The following CRB2 variants were observed in gnomAD, a reference collection of about 807,000 sequenced individuals.
CRB2 encodes protein crumbs homolog 2.
CRB2 carries 85 observed loss-of-function variants against 110.9 expected under a neutral mutation model. The observed-to-expected ratio is 0.77, with a 90% CI of 0.64 to 0.92. The LOEUF (loss-of-function observed/expected upper bound fraction) is 0.92, where lower values mean the gene tolerates loss of function less well. Among genes scored for constraint, CRB2 ranks in the 40% least tolerant of loss-of-function variants. The pLI is 0.00. For synonymous variants in CRB2, 907 were observed against 831.0 expected, an observed-to-expected ratio of 1.09 and a Z score of -1.57; for missense variants, 1,843 against 1,851.3, an observed-to-expected ratio of 1.00 and a Z score of 0.08.
Position 123,373,189 on chromosome 9 carries a change from C to CGCGTCGTCAGGGCGCTTGCTCG in CRB2, c.2662_2683dup (p.Gly895ValfsTer105). The CGCGTCGTCAGGGCGCTTGCTCG allele has an allele frequency of 6.6e-7, 1 of 1,514,298 alleles. No individual in the cohort carries two copies. Among genetic ancestry groups the CGCGTCGTCAGGGCGCTTGCTCG allele is most frequent in the Non-Finnish European group, 8.8e-7 (1 of 1,137,670 alleles). The allele number at this position is 1,514,298 out of a possible 1,614,324, so 93.8% of individuals were successfully genotyped here. A position where few individuals can be genotyped will look rare whatever the true frequency, so the allele number is the denominator to read the frequency against. ...CCCCCGCCGCGTTCAGCGGGCACAA[C>CGCGTCGTCAGGGCGCTTGCTCG]GCGTCGTCAGGGCGCTTGCTCGGCG... On this transcript the variant is annotated frameshift_variant, in exon 10 of 13. Coordinates refer to ENST00000373631, the MANE Select transcript of CRB2 (RefSeq NM_173689.7). LOFTEE classifies it high-confidence loss of function.
In CRB2 at chr9:123,365,923, C is replaced by T; in HGVS notation, c.425C>T (p.Thr142Ile). Residue 142 changes from threonine (T) to isoleucine (I), a missense_variant, in exon 3 of 13, where the codon ACC becomes ATC. Thr to Ile is a moderately conservative substitution (Grantham distance 89). Transcript: ENST00000373631. ...CHCPLGYAGV[T>I]CEMEVDECAS... ...TGTCCCCTGCCCTGTCCAGGCGTGA[C>T]CTGCGAGATGGAGGTGGACGAGTGC... 1.3e-6 allele frequency: 2 copies of T among 1,593,480 alleles called. No individual in the cohort carries two copies. Among genetic ancestry groups the T allele is most frequent in the Non-Finnish European group, 1.7e-6 (2 of 1,177,324 alleles).
chr9:123,371,437 C>T lies in CRB2; in HGVS notation c.2295C>T (p.Gly765=). 5 of 1,612,828 alleles carry T rather than the reference C, an allele frequency of 3.1e-6. No homozygotes were observed. The highest frequency in any genetic ancestry group is 3.4e-6 in the Non-Finnish European group (4 of 1,179,896). The change falls in exon 8 of 13, where the codon GGC becomes GGT. Residue 765 remains glycine, a synonymous_variant. Transcript: ENST00000373631. ...AGCCCTGGGGTGGGCCCTTCCGAGGCTGCCTCCAGGACCTGCGACTCGATG... is the reference window on the plus strand; with the variant it reads ...AGCCCTGGGGTGGGCCCTTCCGAGGTTGCCTCCAGGACCTGCGACTCGATG... ...DSQPWGGPFR[G]CLQDLRLDGC...
intron 9 of CRB2, 99 bp from the exon 10 acceptor site, chr9:123,373,035 C>T: frequency 3.7e-6 from 4 of 1,073,390 alleles, no homozygotes; most frequent in Non-Finnish European, 3.8e-6. Flanking sequence ...TGCCCCACCC[C>T]AAGTAAGTGG....
chr9:123,370,009 G>A, intron 6 of CRB2, 99 bp from the exon 7 acceptor site: 1 of 1,378,234 alleles, frequency 7.3e-7, no homozygotes, highest in Non-Finnish European at 9.8e-7. Context: ...TTGGCTGATA[G>A]GTACTGAGGT....
chr9:123,365,752 G>A (rs903747741), intron 2 of CRB2, among the ~76,000 whole-genome samples, 165 bp from the exon 3 acceptor site: 2 of 152,104 alleles, frequency 1.3e-5, no homozygotes, highest in African/African-American at 2.4e-5. Context: ...CTCTCCCTGC[G>A]GTTGCTGGCA....
chr9:123,380,276 CAAATCAATAAGGTAAAAAGGA>C (rs1397209355), downstream of CRB2: 1 of 152,476 alleles, frequency 6.6e-6, no homozygotes, highest in African/African-American at 2.4e-5. Context: ...CAAGATTCAT[CAAATCAATAAGGTAAAAAGGA>C]AAAAGAAAGA....
intron 1 of CRB2, among the ~76,000 whole-genome samples, chr9:123,361,138 G>GC (rs55927189): frequency 5.2e-5 from 6 of 116,026 alleles, no homozygotes; most frequent in South Asian, 5.8e-4. Flanking sequence ...TGGGCGGGGA[G>GC]GGGGGGGGGT....
In CRB2 at chr9:123,362,965, C is replaced by T; in HGVS notation, c.195C>T (p.Pro65=). 1 of 1,611,530 alleles carries T rather than the reference C, an allele frequency of 6.2e-7. No individual in the cohort carries two copies. The highest frequency in any genetic ancestry group is 8.5e-7 in the Non-Finnish European group (1 of 1,178,820). ...ATESGGYTCG[P]MEPRGCATQP... is the part of the protein sequence containing the mutation. ...AGAGTGGTGGCTATACCTGTGGGCC[C>T]ATGGAGCCCCGGGGCTGTGCCACCC... The change falls in exon 2 of 13, where the codon CCC becomes CCT. Residue 65 remains proline, a synonymous_variant. Transcript: ENST00000373631.
Position 123,366,339 on chromosome 9 carries a change from G to A in CRB2, c.727G>A (p.Gly243Arg). Residue 243 changes from glycine to arginine, a missense_variant, in exon 4 of 13, where the codon GGG becomes AGG. By Grantham distance (125) the Gly-to-Arg change is moderately radical (BLOSUM62 -2). Transcript: ENST00000373631. ...EHNASCLEGL[G>R]SFRCLCWPGY... ...CAACGCGTCCTGCCTCGAGGGCCTCGGGAGCTTCCGCTGCCTCTGTTGGCC... is the reference window on the plus strand; with the variant it reads ...CAACGCGTCCTGCCTCGAGGGCCTCAGGAGCTTCCGCTGCCTCTGTTGGCC... 1.3e-6 allele frequency: 2 copies of A among 1,545,870 alleles called. No individual in the cohort carries two copies. Among genetic ancestry groups the A allele is most frequent in the Non-Finnish European group, 1.7e-6 (2 of 1,158,544 alleles).
chr9:123,373,400 C>A lies in CRB2; in HGVS notation c.2869C>A (p.His957Asn). ...GCCGCGCGTGGCCGATGGTGCCTGGCACCGCGTGCGTCTGGCCATGGAGCG... is the reference window on the plus strand; with the variant it reads ...GCCGCGCGTGGCCGATGGTGCCTGGAACCGCGTGCGTCTGGCCATGGAGCG... ...PGPRVADGAWHRVRLAMERPA... is the reference protein window; with the variant it reads ...PGPRVADGAWNRVRLAMERPA... Residue 957 changes from histidine (H) to asparagine (N), a missense_variant, in exon 10 of 13, where the codon CAC (histidine) becomes AAC (asparagine). Transcript: ENST00000373631. 1.4e-6 allele frequency: 2 copies of A among 1,441,982 alleles called. No individual in the cohort carries two copies. Among genetic ancestry groups the A allele is most frequent in the South Asian group, 1.3e-5 (1 of 74,134 alleles). 89.3% of individuals were successfully genotyped at this position (1,441,982 alleles called of 1,614,324 possible). A position where few individuals can be genotyped will look rare whatever the true frequency, so the allele number is the denominator to read the frequency against.
rs370972340 is a variant in CRB2, at chr9:123,367,153, C to T, written c.755-19C>T. 402 of 1,564,184 alleles carry T rather than the reference C, an allele frequency of 2.6e-4. No homozygotes were observed. Among genetic ancestry groups the T allele is most frequent in the Admixed American group, 9.3e-4 (48 of 51,500 alleles). On this transcript the variant is annotated intron_variant, in intron 4 of 12. Transcript: ENST00000373631. ...CGGCAACCCCGTGAGACCTGATGTC[C>T]GCGTGTGTGTGCCCCCAGGCTACAG...
intron 4 of CRB2, among the ~76,000 whole-genome samples, chr9:123,366,769 T>C (rs1168341487): frequency 1.3e-5 from 2 of 151,746 alleles, no homozygotes; most frequent in Non-Finnish European, 2.9e-5. Flanking sequence ...TGGCCAACAT[T>C]GTGAAACCCC....
chr9:123,366,437 G>C, intron 4 of CRB2, 71 bp downstream of exon 4: 2 of 1,466,402 alleles, frequency 1.4e-6, no homozygotes, highest in Non-Finnish European at 1.8e-6. Flanking sequence ...TGGGGCGGTG[G>C]GGCAGGTGTG....
chr9:123,359,774 G>C (rs972422505), intron 1 of CRB2, among the ~76,000 whole-genome samples: 1 of 152,122 alleles, frequency 6.6e-6, no homozygotes, highest in African/African-American at 2.4e-5. Context: ...CTCATCAGTT[G>C]TTGGCTGTTA....
chr9:123,379,444 G>A (rs917327872), downstream of CRB2, among the ~76,000 whole-genome samples: 3 of 152,206 alleles, frequency 2.0e-5, no homozygotes, highest in Non-Finnish European at 2.9e-5. Flanking sequence ...CCTGTTGCCA[G>A]CCCAACCCCG....
rs747106152 is a variant in CRB2 at position 123,377,260 on chromosome 9, G to A, written c.*198G>A. The A allele has an allele frequency of 3.7e-5, 22 of 588,234 alleles. No homozygotes were observed. Among genetic ancestry groups the A allele is most frequent in the Admixed American group, 6.4e-5 (2 of 31,208 alleles). The allele number at this position is 588,234 out of a possible 1,614,324, so 36.4% of individuals were successfully genotyped here. A position where few individuals can be genotyped will look rare whatever the true frequency, so the allele number is the denominator to read the frequency against. On this transcript the variant is annotated 3_prime_UTR_variant, in exon 13 of 13. Coordinates refer to ENST00000373631, the MANE Select transcript of CRB2 (RefSeq NM_173689.7). ...GGAAACAGAGGCCTAGAGAGGCTGCGGACTTCTCCATCCCACCCTCGGGGT... is the reference window on the plus strand; with the variant it reads ...GGAAACAGAGGCCTAGAGAGGCTGCAGACTTCTCCATCCCACCCTCGGGGT...
At chr9:123,365,253 ACT>A (rs753694778) in intron 2 of CRB2, among the ~76,000 whole-genome samples, 8 of 152,018 alleles carry the variant, frequency 5.3e-5, no homozygotes, top group Non-Finnish European at 7.4e-5. Context: ...ACAGAGTGAG[ACT>A]CTGTCTCAAA....
At chr9:123,369,405 G>T (rs1268651392) in intron 6 of CRB2, among the ~76,000 whole-genome samples, 1 of 152,222 alleles carries the variant, frequency 6.6e-6, no homozygotes, top group Non-Finnish European at 1.5e-5. Flanking sequence ...GGGTTCTGGG[G>T]AGCTGTGCCT....
intron 4 of CRB2, 25 bp downstream of exon 4, chr9:123,366,391 T>C: frequency 6.5e-7 from 1 of 1,528,150 alleles, no homozygotes; most frequent in Admixed American, 2.2e-5. Flanking sequence ...GTGCGCGGCC[T>C]GGCGGGGGGA....
Sources: allele counts gnomAD v4.1 joint callset (sites outside exome capture counted in the v4.1 genomes callset), GRCh38; gene constraint gnomAD v4.1.1; transcripts MANE v1.5; gene names NCBI Gene and HGNC (gene_info 2026-07-23, HGNC 2026-07-21).